PTGER3: variants seen among roughly 807,000 people sequenced by gnomAD.
The protein encoded by PTGER3 is prostaglandin E receptor 3, also known as prostaglandin E2 receptor EP3 subtype.
A neutral mutation model predicts 34.7 loss-of-function variants in PTGER3; 22 were observed. That is an observed-to-expected ratio of 0.63 (90% CI 0.45 to 0.91). PTGER3 has a LOEUF of 0.91. PTGER3 is among the 40% of genes least tolerant of loss of function. PTGER3 has a pLI of 0.00. For missense variants in PTGER3, 468 were observed against 519.4 expected (o/e 0.90, Z 0.96); for synonymous variants, 241 against 230.1 (o/e 1.05, Z -0.43).
At chr1:70,862,367 C>T (rs1238140622) in intron 4 of PTGER3, 5 of 1,366,962 alleles carry the variant, frequency 3.7e-6, no homozygotes, top group Non-Finnish European at 4.9e-6. Flanking sequence ...ATCTTCAAGT[C>T]ATCAGCTTAG....
intron 4 of PTGER3, among the ~76,000 whole-genome samples, chr1:70,908,703 T>A (rs1326963227): frequency 6.6e-6 from 1 of 152,214 alleles, no homozygotes; most frequent in Non-Finnish European, 1.5e-5. Context: ...AATGCACATG[T>A]CTTTTGCCCC....
At position 70,971,361 on chromosome 1, in the gene PTGER3, A is replaced by G; in HGVS notation, c.*369T>C. 2 of 1,010,346 alleles carry G rather than the reference A, an allele frequency of 2.0e-6. No homozygotes were observed. Among genetic ancestry groups the G allele is most frequent in the Non-Finnish European group, 2.4e-6 (2 of 846,818 alleles). 62.6% of individuals were successfully genotyped at this position (1,010,346 alleles called of 1,614,324 possible). On this transcript the variant is annotated 3_prime_UTR_variant, in exon 4 of 4. Transcript: ENST00000306666. The stretch of plus-strand genomic sequence containing the variant: ...CAAACTCATATTGCAAAAGCAAGCT[A>G]TCATGAAATGTAAAGATGTCCACTT...
intron 2 of PTGER3, among the ~76,000 whole-genome samples, chr1:70,979,223 G>A (rs1187651287): frequency 6.6e-6 from 1 of 151,824 alleles, no homozygotes; most frequent in Non-Finnish European, 1.5e-5. Flanking sequence ...ATTACTATGT[G>A]GTGTTTGAAT....
intron 1 of PTGER3, among the ~76,000 whole-genome samples, chr1:71,014,546 G>T (rs1572934328): frequency 6.6e-6 from 1 of 152,116 alleles, no homozygotes; most frequent in Non-Finnish European, 1.5e-5. Context: ...CCTTTGGGAG[G>T]TAATTAGGTT....
At chr1:70,944,841 T>A (rs1208928321) in intron 4 of PTGER3, among the ~76,000 whole-genome samples, 2 of 152,042 alleles carry the variant, frequency 1.3e-5, no homozygotes, top group African/African-American at 2.4e-5. Flanking sequence ...ATCAGAGAAA[T>A]TAGGTAAAAA....
chr1:71,007,142 G>C, intron 2 of PTGER3: 1 of 985,696 alleles, frequency 1.0e-6, no homozygotes, highest in Non-Finnish European at 1.2e-6. Context: ...CTGAGGAGGA[G>C]AGGTGAAGAA....
chr1:70,982,960 A>G (rs547355438), intron 2 of PTGER3, among the ~76,000 whole-genome samples: 1 of 152,288 alleles, frequency 6.6e-6, no homozygotes, highest in East Asian at 1.9e-4. Context: ...ATTATTTGTC[A>G]ATTAAAAATA....
intron 4 of PTGER3, among the ~76,000 whole-genome samples, chr1:70,861,876 A>G (rs1424315880): frequency 2.0e-5 from 3 of 152,068 alleles, no homozygotes; most frequent in Non-Finnish European, 4.4e-5. Flanking sequence ...GTTAAAGTTT[A>G]TGTAAGAACT....
rs184928523 is a variant in PTGER3 at position 71,039,130 on chromosome 1, A to T, written c.897+7551T>A. On this transcript the variant is annotated intron_variant, in intron 1 of 3. Transcript: ENST00000306666. ...TGGGGAGGGGAACTGTTCACTGCAGATAAGTCCTCCCCTTCTCAGGGCCAT... is the reference window on the plus strand; with the variant it reads ...TGGGGAGGGGAACTGTTCACTGCAGTTAAGTCCTCCCCTTCTCAGGGCCAT... 3.3e-4 allele frequency among the ~76,000 whole-genome samples: 51 copies of T among 152,306 alleles called. 1 individual carries two copies. In the East Asian group the frequency reaches 9.7e-3, roughly 29 times the overall value.
At chr1:70,928,440 A>G (rs1006438253) in intron 4 of PTGER3, among the ~76,000 whole-genome samples, 3 of 151,842 alleles carry the variant, frequency 2.0e-5, no homozygotes, top group Non-Finnish European at 4.4e-5. Flanking sequence ...TGAGACCAGC[A>G]TGGGCAATAT....
At chr1:71,001,993 T>C (rs751617370) in intron 2 of PTGER3, among the ~76,000 whole-genome samples, 3 of 152,154 alleles carry the variant, frequency 2.0e-5, no homozygotes, top group African/African-American at 7.2e-5. Flanking sequence ...CAAAGCCTCA[T>C]ACCTGTAATC....
At chr1:70,891,375 C>T (rs886835570) in intron 4 of PTGER3, among the ~76,000 whole-genome samples, 1 of 152,176 alleles carries the variant, frequency 6.6e-6, no homozygotes, top group Non-Finnish European at 1.5e-5. Flanking sequence ...AGATGCCATC[C>T]TCAGACCTAC....
downstream of PTGER3, chr1:70,970,691 A>G: frequency 4.0e-6 from 1 of 249,802 alleles, no homozygotes; most frequent in Non-Finnish European, 6.3e-6. Flanking sequence ...AGGGAGGAAG[A>G]GAAAAAAAAG....
At chr1:71,036,363 AAG>A (rs768955201) in intron 1 of PTGER3, among the ~76,000 whole-genome samples, 20 of 152,096 alleles carry the variant, frequency 1.3e-4, no homozygotes, top group Non-Finnish European at 2.4e-4. Context: ...AACTTAGAGA[AAG>A]GGAAAAACTG....
At chr1:71,026,775 T>C (rs1387594562) in intron 1 of PTGER3, among the ~76,000 whole-genome samples, 1 of 152,140 alleles carries the variant, frequency 6.6e-6, no homozygotes, top group African/African-American at 2.4e-5. Context: ...ATAAATTAGA[T>C]AGACGGTAAA....
At chr1:70,922,275 T>A (rs1195131443) in intron 4 of PTGER3, among the ~76,000 whole-genome samples, 1 of 152,206 alleles carries the variant, frequency 6.6e-6, no homozygotes, top group African/African-American at 2.4e-5. Context: ...ATTCTTGTCC[T>A]AAAGCAAAAT....
chr1:70,927,471 A>G (rs1648218564), intron 4 of PTGER3, among the ~76,000 whole-genome samples: 1 of 152,328 alleles, frequency 6.6e-6, no homozygotes, highest in Non-Finnish European at 1.5e-5. Flanking sequence ...ATAGCTATGG[A>G]ATACCGTGAT....
At chr1:70,938,111 G>T (rs1359390629) in intron 4 of PTGER3, among the ~76,000 whole-genome samples, 2 of 152,098 alleles carry the variant, frequency 1.3e-5, no homozygotes, top group African/African-American at 4.8e-5. Flanking sequence ...TTGGTGGGGG[G>T]TGGGAGGTGT....
intron 4 of PTGER3, among the ~76,000 whole-genome samples, chr1:70,924,218 G>A (rs943323767): frequency 1.3e-5 from 2 of 152,046 alleles, no homozygotes; most frequent in African/African-American, 4.8e-5. Flanking sequence ...TTCCATTGAA[G>A]CCATTTTTTA....
Sources: gnomAD v4.1 joint callset for allele counts (sites outside exome capture counted in the v4.1 genomes callset) on GRCh38, gnomAD v4.1.1 for gene constraint, MANE v1.5 for transcripts, NCBI Gene and HGNC (gene_info 2026-07-23, HGNC 2026-07-21) for gene names.